Variants in UBE2QL1 observed in about 807,000 individuals in gnomAD.
The protein encoded by UBE2QL1 is ubiquitin-conjugating enzyme E2Q-like protein 1.
In UBE2QL1, 5 loss-of-function variants were observed where a neutral mutation model predicts 12.6. The ratio of observed to expected loss-of-function variants is 0.40; its 90% CI spans 0.21 to 0.83. UBE2QL1 has a LOEUF of 0.83. Among genes scored for constraint, UBE2QL1 ranks in the 40% least tolerant of loss-of-function variants. The pLI is 0.37. For synonymous variants in UBE2QL1, 96 were observed against 94.5 expected, an observed-to-expected ratio of 1.02 and a Z score of -0.10; for missense variants, 99 against 222.6, an observed-to-expected ratio of 0.44 and a Z score of 3.53.
chr5:6,456,764 C>T (rs1287226348), intron 1 of UBE2QL1, among the ~76,000 whole-genome samples: 2 of 152,052 alleles, frequency 1.3e-5, no homozygotes, highest in African/African-American at 2.4e-5. Flanking sequence ...CCAAGGACAC[C>T]GGACTGGGAG....
intron 1 of UBE2QL1, among the ~76,000 whole-genome samples, chr5:6,450,637 T>C (rs549066564): frequency 6.6e-6 from 1 of 152,296 alleles, no homozygotes; most frequent in South Asian, 2.1e-4. Flanking sequence ...TTCACACTAA[T>C]CAAATAATGC....
intron 1 of UBE2QL1, among the ~76,000 whole-genome samples, chr5:6,483,465 GC>G (rs1282832129): frequency 1.1e-3 from 160 of 150,870 alleles, no homozygotes; most frequent in African/African-American, 3.7e-3. Flanking sequence ...AAAATGAGGA[GC>G]CCACAGATGT....
intron 1 of UBE2QL1, among the ~76,000 whole-genome samples, chr5:6,454,212 T>G (rs1739471684): frequency 6.6e-6 from 1 of 152,142 alleles, no homozygotes; most frequent in East Asian, 1.9e-4. Flanking sequence ...AAAGGCCCTG[T>G]ATTAGGTTGC....
intron 1 of UBE2QL1, among the ~76,000 whole-genome samples, chr5:6,475,731 G>C (rs1734214935): frequency 6.6e-6 from 1 of 151,960 alleles, no homozygotes; most frequent in Non-Finnish European, 1.5e-5. Context: ...GAGGAGGCAG[G>C]GTCATTGTAA....
At chr5:6,475,438 A>G (rs1205447394) in intron 1 of UBE2QL1, among the ~76,000 whole-genome samples, 1 of 152,112 alleles carries the variant, frequency 6.6e-6, no homozygotes, top group Non-Finnish European at 1.5e-5. Context: ...AAGCTATCTT[A>G]TGCCGTATCT....
intron 1 of UBE2QL1, among the ~76,000 whole-genome samples, chr5:6,480,289 T>C (rs562757498): frequency 4.3e-4 from 65 of 152,300 alleles, no homozygotes; most frequent in African/African-American, 1.5e-3. Context: ...GTCTCCATTT[T>C]CTCGTCTGTA....
chr5:6,473,152 A>T (rs760242818), intron 1 of UBE2QL1, among the ~76,000 whole-genome samples: 1 of 152,218 alleles, frequency 6.6e-6, no homozygotes, highest in Non-Finnish European at 1.5e-5. Context: ...TCCTAGTCCA[A>T]CAGCCAACAG....
rs948764785 is a variant in UBE2QL1 at position 6,492,706 on chromosome 5, C to T, written c.*1357C>T. On this transcript the variant is annotated 3_prime_UTR_variant, in exon 2 of 2. Coordinates refer to ENST00000399816, the MANE Select transcript of UBE2QL1 (RefSeq NM_001145161.3). ...ACTACAACATGTAATTCCAGAGCAG[C>T]GTTCTAAGTCAGGTACCAGAAATGA... The T allele has an allele frequency of 6.6e-6, 1 of 152,202 alleles. No homozygotes were observed. Among genetic ancestry groups the T allele is most frequent in the African/African-American group, 2.4e-5 (1 of 41,452 alleles). The allele number at this position is 152,202 out of a possible 1,614,324, so 9.4% of individuals were successfully genotyped here. A position where few individuals can be genotyped will look rare whatever the true frequency, so the allele number is the denominator to read the frequency against.
chr5:6,449,059 C>T lies in UBE2QL1; in HGVS notation c.166C>T (p.Leu56Phe). Residue 56 changes from leucine to phenylalanine, a missense_variant, in exon 1 of 2, where the codon CTC becomes TTC. By Grantham distance (22) the Leu-to-Phe change is conservative. Transcript: ENST00000399816. Reference protein sequence around the residue: ...ETNTEFILLNLTFPDNFPFSP... With the variant: ...ETNTEFILLNFTFPDNFPFSP... ...CAACACCGAGTTCATCCTGCTCAACCTCACCTTCCCCGACAACTTCCCCTT... is the reference window on the plus strand; with the variant it reads ...CAACACCGAGTTCATCCTGCTCAACTTCACCTTCCCCGACAACTTCCCCTT... 1 of 1,549,032 alleles carries T rather than the reference C, an allele frequency of 6.5e-7. No individual in the cohort carries two copies. The highest frequency in any genetic ancestry group is 8.7e-7 in the Non-Finnish European group (1 of 1,145,856).
intron 1 of UBE2QL1, among the ~76,000 whole-genome samples, chr5:6,451,850 G>A (rs1739418544): frequency 6.6e-6 from 1 of 152,110 alleles, no homozygotes; most frequent in Non-Finnish European, 1.5e-5. Context: ...GAGCACATAT[G>A]GTAGTTACCA....
intron 1 of UBE2QL1, among the ~76,000 whole-genome samples, chr5:6,456,203 C>G (rs7380494): frequency 0.98 from 149,213 of 152,316 alleles, 73,148 homozygotes; most frequent in Middle Eastern, 1. Flanking sequence ...TGCTTTTGAC[C>G]TGCCAAGTGG....
rs114188246 is a variant in UBE2QL1, at chr5:6,462,375, G to C, written c.354+13128G>C. ...ATTTGCATTCAGCTTTCCAGTGGAC[G>C]GGGCATGCAAGCTTTCCCAGAAGCC... On this transcript the variant is annotated intron_variant, in intron 1 of 1. Coordinates refer to ENST00000399816, the MANE Select transcript of UBE2QL1 (RefSeq NM_001145161.3). Among the ~76,000 whole-genome samples, 482 of 152,274 alleles carry C rather than the reference G, an allele frequency of 3.2e-3. 2 individuals carry two copies. The highest frequency in any genetic ancestry group is 0.016 in the East Asian group (84 of 5,176).
chr5:6,453,820 AAG>A (rs1251078224), intron 1 of UBE2QL1, among the ~76,000 whole-genome samples: 1 of 152,204 alleles, frequency 6.6e-6, no homozygotes, highest in African/African-American at 2.4e-5. Context: ...TCTCATCAGA[AAG>A]AGTGACAAAG....
Position 6,476,160 on chromosome 5 carries a change from A to T in UBE2QL1, c.355-15058A>T, listed in dbSNP as rs187820807. 6.6e-6 allele frequency among the ~76,000 whole-genome samples: 1 copy of T among 151,006 alleles called. No homozygotes were observed. The highest frequency in any genetic ancestry group is 1.5e-5 in the Non-Finnish European group (1 of 67,782). ...TTTCCAGTGGCACTGGGGCTCCCTT[A>T]TTCCTAGGAGGCGGGGCCTGAGCAG... On this transcript the variant is annotated intron_variant, in intron 1 of 1. Coordinates refer to ENST00000399816, the MANE Select transcript of UBE2QL1 (RefSeq NM_001145161.3). This position sits in a 1 kb window ranked among gnomAD's most constrained non-coding sequence, Gnocchi z 4.9.
At chr5:6,460,642 A>G (rs1172190134) in intron 1 of UBE2QL1, among the ~76,000 whole-genome samples, 1 of 152,246 alleles carries the variant, frequency 6.6e-6, no homozygotes, top group African/African-American at 2.4e-5. Context: ...GTTCCAGCAC[A>G]GATTGATATC....
chr5:6,481,792 C>T lies in UBE2QL1; in HGVS notation c.355-9426C>T, dbSNP rs542419277. ...AACTGGACAACACCCCAAAACTGAC[C>T]GCCATACCACCTCCCAAATGACCAT... On this transcript the variant is annotated intron_variant, in intron 1 of 1. Transcript: ENST00000399816. This position sits in a 1 kb window ranked among gnomAD's most constrained non-coding sequence, Gnocchi z 4.5. Among the ~76,000 whole-genome samples the T allele has an allele frequency of 3.1e-4, 47 of 152,282 alleles. No individual in the cohort carries two copies. The highest frequency in any genetic ancestry group is 4.6e-4 in the African/African-American group (19 of 41,552).
intron 1 of UBE2QL1, among the ~76,000 whole-genome samples, chr5:6,459,597 A>G (rs769313626): frequency 1.1e-4 from 17 of 152,252 alleles, no homozygotes; most frequent in Non-Finnish European, 2.5e-4. Flanking sequence ...AAGGAAGCCA[A>G]TTATATTTAA....
chr5:6,483,843 C>G (rs1734413734), intron 1 of UBE2QL1, among the ~76,000 whole-genome samples: 1 of 152,142 alleles, frequency 6.6e-6, no homozygotes, highest in Non-Finnish European at 1.5e-5. Context: ...CGTGCCCCAC[C>G]ACCCAATGCA....
chr5:6,496,213 C>T lies in UBE2QL1; in HGVS notation c.*4864C>T, dbSNP rs925321186. On this transcript the variant is annotated 3_prime_UTR_variant, in exon 2 of 2. Transcript: ENST00000399816. Reference sequence around the variant, plus strand: ...CCTGTGTCTCTCGCAGAATTAAAGCCAGGAGGTGGCTTTCTCTTTCCTTCT... The same window carrying T: ...CCTGTGTCTCTCGCAGAATTAAAGCTAGGAGGTGGCTTTCTCTTTCCTTCT... 2.0e-5 allele frequency among the ~76,000 whole-genome samples: 3 copies of T among 152,162 alleles called. No individual in the cohort carries two copies. Among genetic ancestry groups the T allele is most frequent in the African/African-American group, 7.2e-5 (3 of 41,434 alleles).
Sources: allele counts gnomAD v4.1 joint callset (sites outside exome capture counted in the v4.1 genomes callset), GRCh38; gene constraint gnomAD v4.1.1; non-coding constraint Gnocchi (gnomAD v3.1); transcripts MANE v1.5; gene names NCBI Gene and HGNC (gene_info 2026-07-23, HGNC 2026-07-21).